ERICH1: variants seen among roughly 807,000 people sequenced by gnomAD.
ERICH1 encodes the protein glutamate-rich protein 1.
In ERICH1, 56 loss-of-function variants were observed where a neutral mutation model predicts 39.6. That is an observed-to-expected ratio of 1.41 (90% CI 1.14 to 1.77). ERICH1 has a LOEUF of 1.77. Ranked by LOEUF, ERICH1 falls within the 40% of genes most tolerant of loss-of-function variation. The probability of loss-of-function intolerance (pLI) is 0.00; values close to 1 mark genes in which losing one functional copy is unlikely to be tolerated. For synonymous variants in ERICH1, 313 were observed against 223.6 expected (o/e 1.40, Z -3.57); for missense variants, 826 against 575.4 (o/e 1.44, Z -4.45).
intron 3 of ERICH1, among the ~76,000 whole-genome samples, chr8:631,718 C>T (rs150712569): frequency 0.01 from 1,588 of 152,302 alleles, 12 homozygotes; most frequent in Non-Finnish European, 0.016. Context: ...GAGCGCTTCA[C>T]ACTGGTGCAG....
At chr8:730,656 A>G (rs975365058) in intron 1 of ERICH1, among the ~76,000 whole-genome samples, 2 of 152,090 alleles carry the variant, frequency 1.3e-5, no homozygotes, top group Non-Finnish European at 2.9e-5. Flanking sequence ...TGCGCCCCAC[A>G]CCTTAGGTCC....
At chr8:713,467 T>G (rs1422045896) in intron 2 of ERICH1, among the ~76,000 whole-genome samples, 1 of 152,188 alleles carries the variant, frequency 6.6e-6, no homozygotes. Flanking sequence ...TACACGGATT[T>G]GTCCCATGGG....
chr8:639,295 G>C (rs902228729), intron 3 of ERICH1, among the ~76,000 whole-genome samples: 1 of 152,142 alleles, frequency 6.6e-6, no homozygotes, highest in Admixed American at 6.5e-5. Context: ...TCCCATCGCA[G>C]AGCATCTGTG....
chr8:638,201 C>T (rs994890536), intron 3 of ERICH1, among the ~76,000 whole-genome samples: 4 of 152,230 alleles, frequency 2.6e-5, no homozygotes, highest in South Asian at 2.1e-4. Context: ...CTTGCCTTGG[C>T]GTTTCTTATC....
intron 3 of ERICH1, among the ~76,000 whole-genome samples, chr8:692,025 A>G (rs935068798): frequency 3.3e-5 from 5 of 152,254 alleles, no homozygotes; most frequent in African/African-American, 1.2e-4. Flanking sequence ...AATAGGAATT[A>G]TAATAATTTT....
At chr8:658,034 T>C (rs10090260) in intron 3 of ERICH1, among the ~76,000 whole-genome samples, 136,983 of 152,210 alleles carry the variant, frequency 0.9, 61,715 homozygotes, top group South Asian at 0.95. Flanking sequence ...CCACGGACCA[T>C]GTTTGAGAGA....
intron 5 of ERICH1, among the ~76,000 whole-genome samples, chr8:665,642 C>T (rs1211776739): frequency 6.6e-6 from 1 of 152,238 alleles, no homozygotes; most frequent in Non-Finnish European, 1.5e-5. Flanking sequence ...CTTCTCAGTG[C>T]ACGGTGGGAG....
intron 3 of ERICH1, among the ~76,000 whole-genome samples, chr8:674,347 G>A (rs1804177864): frequency 7.4e-6 from 1 of 135,364 alleles, no homozygotes; most frequent in Admixed American, 8.3e-5. Flanking sequence ...TTGCTGCACA[G>A]GCTGGAGTGC....
chr8:723,307 C>T (rs1007990541), intron 1 of ERICH1, among the ~76,000 whole-genome samples: 1 of 152,186 alleles, frequency 6.6e-6, no homozygotes. Flanking sequence ...ACCCGGCCTC[C>T]GACATTCCTT....
Position 673,287 on chromosome 8 carries a change from A to G in ERICH1, c.1063+2T>C, listed in dbSNP as rs1803854503. 2 of 1,595,602 alleles carry G rather than the reference A, an allele frequency of 1.3e-6. No homozygotes were observed. Among genetic ancestry groups the G allele is most frequent in the East Asian group, 4.5e-5 (2 of 44,506 alleles). On this transcript the variant is annotated splice_donor_variant, in intron 4 of 5. Coordinates refer to ENST00000262109, the MANE Select transcript of ERICH1 (RefSeq NM_207332.3). LOFTEE classifies it high-confidence loss of function. ...GCAAGAGAAAAACAGTAAAAAACAT[A>G]CCGTCATAAAAATACATTTCCTGTG...
At position 615,731 on chromosome 8, in the gene ERICH1, G is replaced by T. The variant is rs142150643; in HGVS notation, c.977-447C>A. 506 of 154,204 alleles carry T rather than the reference G, an allele frequency of 3.3e-3. 5 individuals carry two copies. Among genetic ancestry groups the T allele is most frequent in the Middle Eastern group, 9.9e-3 (3 of 302 alleles). The allele number at this position is 154,204 out of a possible 1,614,324, so 9.6% of individuals were successfully genotyped here. On this transcript the variant is annotated intron_variant, in intron 3 of 3. Transcript: ENST00000522706. Reference sequence around the variant, plus strand: ...TCTTATTGCTTGGAGGTTTACTCGAGTGAGAATTGAGTGGAATGACAGAAA... The same window carrying T: ...TCTTATTGCTTGGAGGTTTACTCGATTGAGAATTGAGTGGAATGACAGAAA...
chr8:643,069 C>G (rs1799200273), intron 3 of ERICH1, among the ~76,000 whole-genome samples: 1 of 152,232 alleles, frequency 6.6e-6, no homozygotes, highest in Non-Finnish European at 1.5e-5. Flanking sequence ...GCACCCCGCC[C>G]CTCACGGCCC....
intron 3 of ERICH1, among the ~76,000 whole-genome samples, chr8:653,526 T>C (rs1009155116): frequency 3.9e-5 from 6 of 152,148 alleles, no homozygotes; most frequent in African/African-American, 1.5e-4. Context: ...CCCTTTTTTT[T>C]GTCTATATAT....
chr8:716,142 TC>T, intron 1 of ERICH1, 135 bp from the exon 2 acceptor site: 1 of 1,113,100 alleles, frequency 9.0e-7, no homozygotes, highest in Non-Finnish European at 1.2e-6. Context: ...TCCCTGGTCC[TC>T]CCACGCTGGG....
chr8:729,131 C>T (rs540835758), intron 1 of ERICH1, among the ~76,000 whole-genome samples: 4 of 152,304 alleles, frequency 2.6e-5, no homozygotes, highest in South Asian at 2.1e-4. Context: ...GTGCCTGATT[C>T]GCTGCCGCAG....
At chr8:691,393 GC>G (rs1430695542) in intron 3 of ERICH1, among the ~76,000 whole-genome samples, 2 of 152,260 alleles carry the variant, frequency 1.3e-5, no homozygotes, top group African/African-American at 4.8e-5. Context: ...GGCCAAGCGA[GC>G]CTTCTACCCT....
In ERICH1 at chr8:681,372, G is replaced by T. The variant is rs146187356; in HGVS notation, c.305-7325C>A. 1.8e-3 allele frequency among the ~76,000 whole-genome samples: 281 copies of T among 152,328 alleles called. 1 individual carries two copies. Among genetic ancestry groups the T allele is most frequent in the African/African-American group, 6.4e-3 (265 of 41,564 alleles). On this transcript the variant is annotated intron_variant, in intron 3 of 5. Coordinates refer to ENST00000262109, the MANE Select transcript of ERICH1 (RefSeq NM_207332.3). ...TCTAACTCTGTCTTATTTAAAACAC[G>T]TGCCTGCATTTGTGGTGAGACATAC...
chr8:719,882 G>A (rs1816894467), intron 1 of ERICH1, among the ~76,000 whole-genome samples: 2 of 152,102 alleles, frequency 1.3e-5, no homozygotes, highest in African/African-American at 2.4e-5. Context: ...AGGGTCCACC[G>A]CAGTGTGGAC....
intron 4 of ERICH1, among the ~76,000 whole-genome samples, chr8:670,477 C>T (rs78713927): frequency 6.6e-6 from 1 of 152,110 alleles, no homozygotes; most frequent in East Asian, 1.9e-4. Context: ...CCAGGCAGAC[C>T]GAGTAGAGGG....
Sources: gnomAD v4.1 joint callset for allele counts (sites outside exome capture counted in the v4.1 genomes callset) on GRCh38, gnomAD v4.1.1 for gene constraint, MANE v1.5 for transcripts, NCBI Gene and HGNC (gene_info 2026-07-23, HGNC 2026-07-21) for gene names.